The following REPS1 variants were observed in gnomAD, a reference collection of about 807,000 sequenced individuals.
REPS1 encodes the protein ralBP1-associated Eps domain-containing protein 1.
In REPS1, 39 loss-of-function variants were observed where a neutral mutation model predicts 100.9. That is an observed-to-expected ratio of 0.39 (90% CI 0.30 to 0.50). The LOEUF is 0.50. Among genes scored for constraint, REPS1 ranks in the 20% least tolerant of loss-of-function variants. The probability of loss-of-function intolerance (pLI) is 0.86; values close to 1 mark genes in which losing one functional copy is unlikely to be tolerated. For synonymous variants in REPS1, 324 were observed against 340.3 expected (o/e 0.95, Z 0.53); for missense variants, 821 against 968.5 (o/e 0.85, Z 2.02).
intron 9 of REPS1, chr6:138,927,061 G>A (rs1301764077): frequency 6.6e-6 from 1 of 152,300 alleles, no homozygotes; most frequent in Non-Finnish European, 1.5e-5. Flanking sequence ...ATTAATATAT[G>A]TAGAGCTTAT....
intron 8 of REPS1, among the ~76,000 whole-genome samples, chr6:138,934,746 A>G (rs1482176992): frequency 6.6e-6 from 1 of 152,202 alleles, no homozygotes; most frequent in Non-Finnish European, 1.5e-5. Flanking sequence ...ACAGTTTAAA[A>G]CTTATTTTGC....
chr6:138,908,423 T>C (rs1177542867), intron 18 of REPS1, among the ~76,000 whole-genome samples: 1 of 152,092 alleles, frequency 6.6e-6, no homozygotes, highest in Non-Finnish European at 1.5e-5. Flanking sequence ...GCTTCCCGAG[T>C]AGCTGGGACT....
chr6:138,961,449 T>C (rs1251600218), intron 1 of REPS1, among the ~76,000 whole-genome samples: 1 of 152,018 alleles, frequency 6.6e-6, no homozygotes, highest in African/African-American at 2.4e-5. Context: ...ATGGTCTCGA[T>C]CTCTTGACCT....
chr6:138,969,491 G>A (rs1334093491), intron 1 of REPS1, among the ~76,000 whole-genome samples: 5 of 141,776 alleles, frequency 3.5e-5, no homozygotes, highest in Middle Eastern at 3.6e-3. Context: ...GTCTCACTAT[G>A]TTGCCAAGGC....
intron 18 of REPS1, among the ~76,000 whole-genome samples, 188 bp downstream of exon 18, chr6:138,908,480 A>G (rs1451800032): frequency 6.6e-6 from 1 of 152,114 alleles, no homozygotes; most frequent in Non-Finnish European, 1.5e-5. Context: ...TATTTTTAGC[A>G]GAGATGGGGT....
At chr6:138,953,681 C>CA (rs34741005) in intron 1 of REPS1, among the ~76,000 whole-genome samples, 2,167 of 126,934 alleles carry the variant, frequency 0.017, 31 homozygotes, top group Non-Finnish European at 0.027. Flanking sequence ...TGGCTATTAT[C>CA]AAAAAAAAAA....
rs188929247 is a variant in REPS1 at position 138,975,199 on chromosome 6, A to C, written c.153+12331T>G. ...AATCCACCACATTATCTTCTCCCCA[A>C]ACCCCCTACTTTGCCCTCTGCTTCT... is the stretch of plus-strand genomic sequence containing the variant. On this transcript the variant is annotated intron_variant, in intron 1 of 19. Transcript: ENST00000450536. 5.3e-5 allele frequency among the ~76,000 whole-genome samples: 8 copies of C among 152,122 alleles called. No individual in the cohort carries two copies. The East Asian group carries it at 1.5e-3, about 29-fold the overall frequency.
intron 8 of REPS1, among the ~76,000 whole-genome samples, chr6:138,937,282 T>C (rs1781912043): frequency 6.6e-6 from 1 of 152,190 alleles, no homozygotes; most frequent in Admixed American, 6.5e-5. Flanking sequence ...AATTATAAAG[T>C]ATAAAGATGT....
At chr6:138,929,882 G>C (rs1356068077) in intron 9 of REPS1, 95 bp downstream of exon 9, 1 of 1,194,166 alleles carries the variant, frequency 8.4e-7, no homozygotes, top group Non-Finnish European at 1.2e-6. Flanking sequence ...AATTATGCAT[G>C]CATGCTGGAA....
intron 15 of REPS1, among the ~76,000 whole-genome samples, chr6:138,914,214 T>G (rs1780203583): frequency 6.6e-6 from 1 of 151,796 alleles, no homozygotes; most frequent in African/African-American, 2.4e-5. Context: ...GGACTACAGG[T>G]GCACACCACC....
chr6:138,969,819 T>C (rs1784231874), intron 1 of REPS1, among the ~76,000 whole-genome samples: 1 of 150,670 alleles, frequency 6.6e-6, no homozygotes, highest in Admixed American at 6.6e-5. Context: ...ACTTGGCCCC[T>C]GTAAGAATTA....
At chr6:138,907,026 G>A (rs989072620) in intron 19 of REPS1, among the ~76,000 whole-genome samples, 27 of 152,272 alleles carry the variant, frequency 1.8e-4, no homozygotes, top group African/African-American at 6.5e-4. Flanking sequence ...CAGGTATTAG[G>A]TGACAGTATA....
At chr6:138,936,030 T>C (rs1781807754) in intron 8 of REPS1, among the ~76,000 whole-genome samples, 1 of 151,966 alleles carries the variant, frequency 6.6e-6, no homozygotes, top group Admixed American at 6.6e-5. Flanking sequence ...AAGGGTACCA[T>C]TCCCATGGAG....
rs1780109452 is a variant in REPS1, at chr6:138,912,959, T to C, written c.1786-9A>G. ...ACAGCAGGACCAGGAGCCTGTGCAA[T>C]GGTTCAGAACAGAGGAACACACATT... is the stretch of plus-strand genomic sequence containing the variant. On this transcript the variant is annotated splice_polypyrimidine_tract_variant and intron_variant, in intron 15 of 19. Coordinates refer to ENST00000450536, the MANE Select transcript of REPS1 (RefSeq NM_001286611.2). 6.2e-7 allele frequency: 1 copy of C among 1,611,120 alleles called. No homozygotes were observed. Among genetic ancestry groups the C allele is most frequent in the Non-Finnish European group, 8.5e-7 (1 of 1,178,178 alleles).
At chr6:138,957,438 T>C (rs1783458888) in intron 1 of REPS1, among the ~76,000 whole-genome samples, 3 of 152,206 alleles carry the variant, frequency 2.0e-5, no homozygotes, top group Admixed American at 6.5e-5. Flanking sequence ...CTATCCAAAC[T>C]ATCAAGATCA....
At position 138,917,578 on chromosome 6, in the gene REPS1, G is replaced by A. The variant is rs751904980; in HGVS notation, c.1578C>T (p.Ile526=). The A allele has an allele frequency of 1.2e-5, 19 of 1,613,308 alleles. No individual in the cohort carries two copies. The highest frequency in any genetic ancestry group is 1.5e-5 in the Non-Finnish European group (18 of 1,179,554). ...ACCTTTGACGAGTTACATTGCTCCC[G>A]ATCTGTTCTGGGTCAGAAGTAAAAG... ...SDSFTSDPEQ[I]GSNVTRQRSH... The change falls in exon 13 of 20, where the codon ATC becomes ATT. Residue 526 remains isoleucine (I), a synonymous_variant. Transcript: ENST00000450536.
chr6:138,964,667 G>A (rs748344345), intron 1 of REPS1, among the ~76,000 whole-genome samples: 1 of 151,556 alleles, frequency 6.6e-6, no homozygotes, highest in South Asian at 2.1e-4. Flanking sequence ...ACATAAGTAC[G>A]AGATAAGAAT....
intron 8 of REPS1, 107 bp from the exon 9 acceptor site, chr6:138,930,205 A>T: frequency 1.2e-6 from 1 of 840,360 alleles, no homozygotes; most frequent in Non-Finnish European, 1.8e-6. Flanking sequence ...ATAAGTAGTA[A>T]TATATAATCT....
At chr6:138,938,715 G>A (rs1782029721) in intron 8 of REPS1, among the ~76,000 whole-genome samples, 1 of 152,110 alleles carries the variant, frequency 6.6e-6, no homozygotes. Context: ...TCAGAAATGA[G>A]AGAAACCACC....
Sources: gnomAD v4.1 joint callset for allele counts (sites outside exome capture counted in the v4.1 genomes callset) on GRCh38, gnomAD v4.1.1 for gene constraint, MANE v1.5 for transcripts, NCBI Gene and HGNC (gene_info 2026-07-23, HGNC 2026-07-21) for gene names.